SLC24A3: variants seen among roughly 807,000 people sequenced by gnomAD.
SLC24A3 encodes the protein sodium/potassium/calcium exchanger 3.
SLC24A3 carries 28 observed loss-of-function variants against 75.8 expected under a neutral mutation model. The ratio of observed to expected loss-of-function variants is 0.37; its 90% confidence interval spans 0.27 to 0.51. SLC24A3 has a LOEUF of 0.51. Among genes scored for constraint, SLC24A3 ranks in the 20% least tolerant of loss-of-function variants. The pLI is 0.94. For missense variants in SLC24A3, 663 were observed against 847.8 expected (o/e 0.78, Z 2.71); for synonymous variants, 372 against 334.1 (o/e 1.11, Z -1.24).
chr20:19,484,614 A>G (rs529395121), intron 2 of SLC24A3, among the ~76,000 whole-genome samples: 3 of 152,284 alleles, frequency 2.0e-5, no homozygotes, highest in Admixed American at 6.5e-5. Flanking sequence ...ATATGAGTCC[A>G]CTTGGGTGAA....
intron 2 of SLC24A3, among the ~76,000 whole-genome samples, chr20:19,349,610 G>A (rs1985520614): frequency 6.6e-6 from 1 of 152,158 alleles, no homozygotes; most frequent in African/African-American, 2.4e-5. Flanking sequence ...CTATTCGATG[G>A]GATGGCTCTG....
intron 2 of SLC24A3, among the ~76,000 whole-genome samples, chr20:19,305,931 A>C (rs1337068667): frequency 6.6e-6 from 1 of 152,242 alleles, no homozygotes; most frequent in African/African-American, 2.4e-5. Flanking sequence ...CTATCAACAG[A>C]GTAAAAAGAC....
intron 11 of SLC24A3, 135 bp from the exon 12 acceptor site, chr20:19,684,965 C>T (rs2032656729): frequency 9.4e-7 from 1 of 1,068,030 alleles, no homozygotes; most frequent in East Asian, 2.5e-5. Flanking sequence ...TTGAGAGGCC[C>T]CTTAAAACTT....
At chr20:19,670,405 A>C (rs2122726489) in intron 8 of SLC24A3, among the ~76,000 whole-genome samples, 2 of 152,342 alleles carry the variant, frequency 1.3e-5, no homozygotes, top group East Asian at 1.9e-4. Flanking sequence ...AAAAGCAAGG[A>C]ATCTCATCCT....
intron 15 of SLC24A3, among the ~76,000 whole-genome samples, chr20:19,708,396 C>T (rs575349699): frequency 3.3e-5 from 5 of 152,314 alleles, no homozygotes; most frequent in African/African-American, 1.2e-4. Context: ...ATGTCTCCCA[C>T]GTCTTTCATT....
intron 2 of SLC24A3, among the ~76,000 whole-genome samples, chr20:19,428,683 T>G (rs1987053133): frequency 6.6e-6 from 1 of 152,194 alleles, no homozygotes; most frequent in South Asian, 2.1e-4. Context: ...GAAGCAGCCC[T>G]AGATTGTAGT....
chr20:19,605,174 G>C (rs2031579823), intron 6 of SLC24A3, among the ~76,000 whole-genome samples: 1 of 152,198 alleles, frequency 6.6e-6, no homozygotes, highest in Non-Finnish European at 1.5e-5. Context: ...GTGTGGGATG[G>C]TCAAAGATCA....
intron 2 of SLC24A3, among the ~76,000 whole-genome samples, chr20:19,390,419 C>T (rs1431772752): frequency 6.6e-6 from 1 of 152,156 alleles, no homozygotes; most frequent in East Asian, 1.9e-4. Flanking sequence ...GGTAGGCTTG[C>T]CTGGTGCCTC....
chr20:19,354,991 C>G (rs1016151702), intron 2 of SLC24A3: 2 of 152,188 alleles, frequency 1.3e-5, no homozygotes, highest in Non-Finnish European at 2.9e-5. Flanking sequence ...TCCAACTCAC[C>G]TTCTTGGTGG....
intron 2 of SLC24A3, among the ~76,000 whole-genome samples, chr20:19,418,131 G>A (rs1986857336): frequency 6.6e-6 from 1 of 152,116 alleles, no homozygotes; most frequent in South Asian, 2.1e-4. Flanking sequence ...AAACAACAAG[G>A]GATCATTAGG....
chr20:19,315,119 G>C (rs969544616), intron 2 of SLC24A3, among the ~76,000 whole-genome samples: 2 of 152,158 alleles, frequency 1.3e-5, no homozygotes, highest in Admixed American at 6.5e-5. Context: ...GCAAAGAAAG[G>C]GTCCTTGGCA....
intron 3 of SLC24A3, among the ~76,000 whole-genome samples, chr20:19,546,172 A>AAAAAAAAAC: frequency 6.7e-6 from 1 of 148,880 alleles, no homozygotes; most frequent in Non-Finnish European, 1.5e-5. Context: ...AAAAAAAAAA[A>AAAAAAAAAC]AAAAAAAAAA....
intron 1 of SLC24A3, among the ~76,000 whole-genome samples, chr20:19,241,908 C>T (rs979430443): frequency 1.3e-5 from 2 of 152,144 alleles, no homozygotes; most frequent in Non-Finnish European, 2.9e-5. Context: ...AAATGAATGT[C>T]GAGGGCTGTA....
rs774020412 is a variant in SLC24A3 at position 19,585,426 on chromosome 20, G to A, written c.509-15G>A. On this transcript the variant is annotated splice_polypyrimidine_tract_variant and intron_variant, in intron 5 of 16. Coordinates refer to ENST00000328041, the MANE Select transcript of SLC24A3 (RefSeq NM_020689.4). Reference sequence around the variant, plus strand: ...GGGCCACAACAGCCAGGCTGATGTGGGATCTGTGTTTCAGGGGTCTTCATC... The same window carrying A: ...GGGCCACAACAGCCAGGCTGATGTGAGATCTGTGTTTCAGGGGTCTTCATC... The A allele has an allele frequency of 1.2e-6, 2 of 1,613,000 alleles. No homozygotes were observed. The highest frequency in any genetic ancestry group is 2.2e-5 in the South Asian group (2 of 90,924).
chr20:19,721,350 G>A lies in SLC24A3; in HGVS notation c.*210G>A. Reference sequence around the variant, plus strand: ...GGGTCATGCCCACCCACCCTTTCCTGCCTCCTCCGTGTGAAGACATCCAAC... The same window carrying A: ...GGGTCATGCCCACCCACCCTTTCCTACCTCCTCCGTGTGAAGACATCCAAC... On this transcript the variant is annotated 3_prime_UTR_variant, in exon 17 of 17. Transcript: ENST00000328041. 1 of 531,636 alleles carries A rather than the reference G, an allele frequency of 1.9e-6. No individual in the cohort carries two copies. The highest frequency in any genetic ancestry group is 3.3e-6 in the Non-Finnish European group (1 of 306,140). 32.9% of individuals were successfully genotyped at this position (531,636 alleles called of 1,614,324 possible).
intron 2 of SLC24A3, among the ~76,000 whole-genome samples, chr20:19,332,929 A>G (rs746618849): frequency 6.6e-6 from 1 of 151,488 alleles, no homozygotes; most frequent in Non-Finnish European, 1.5e-5. Context: ...GGATGCTCTA[A>G]ATAGCTTTCT....
At chr20:19,292,776 G>A (rs1450836906) in intron 2 of SLC24A3, among the ~76,000 whole-genome samples, 13 of 152,206 alleles carry the variant, frequency 8.5e-5, no homozygotes, top group Admixed American at 5.2e-4. Flanking sequence ...ACTGAATGTC[G>A]TCTAAACGAC....
chr20:19,488,944 C>T (rs1047034751), intron 2 of SLC24A3, among the ~76,000 whole-genome samples: 1 of 152,188 alleles, frequency 6.6e-6, no homozygotes, highest in Non-Finnish European at 1.5e-5. Flanking sequence ...GATTTTGGAG[C>T]AGTTGGGATT....
rs150168693 is a variant in SLC24A3, at chr20:19,708,229, T to C, written c.1720-9299T>C. ...TCCAAGAAGCCTACCCTCAGCCAAA[T>C]TTAGTACCTGTATGACAGCATGGGG... On this transcript the variant is annotated intron_variant, in intron 15 of 16. Transcript: ENST00000328041. 3.2e-4 allele frequency among the ~76,000 whole-genome samples: 49 copies of C among 152,200 alleles called. 1 individual carries two copies. Among genetic ancestry groups the C allele is most frequent in the African/African-American group, 1.0e-3 (42 of 41,524 alleles).
Sources: gnomAD v4.1 joint callset for allele counts (sites outside exome capture counted in the v4.1 genomes callset) on GRCh38, gnomAD v4.1.1 for gene constraint, MANE v1.5 for transcripts, NCBI Gene and HGNC (gene_info 2026-07-23, HGNC 2026-07-21) for gene names.